Variants in CDH4 observed in about 807,000 individuals in gnomAD.
The protein encoded by CDH4 is cadherin 4.
Under a neutral mutation model 86.0 loss-of-function variants are expected in CDH4, and 33 were observed. The observed-to-expected ratio is 0.38, with a 90% CI of 0.29 to 0.51. The LOEUF (loss-of-function observed/expected upper bound fraction) is 0.51, where lower values mean the gene tolerates loss of function less well. Ranked by LOEUF, CDH4 falls within the 20% of genes least tolerant of loss-of-function variation. CDH4 has a pLI of 0.86. For synonymous variants in CDH4, 555 were observed against 549.4 expected (o/e 1.01, Z -0.14); for missense variants, 1,114 against 1,307.4 (o/e 0.85, Z 2.28).
intron 2 of CDH4, among the ~76,000 whole-genome samples, chr20:61,683,997 T>A (rs2087547330): frequency 6.6e-6 from 1 of 152,156 alleles, no homozygotes; most frequent in African/African-American, 2.4e-5. Flanking sequence ...TCCCAGGAGC[T>A]CCTCGTGTCT....
chr20:61,586,725 TG>T (rs1321387677), intron 2 of CDH4, among the ~76,000 whole-genome samples: 1 of 152,182 alleles, frequency 6.6e-6, no homozygotes, highest in Non-Finnish European at 1.5e-5. Context: ...CCAGGCCACC[TG>T]GGACTATAGA....
intron 4 of CDH4, among the ~76,000 whole-genome samples, chr20:61,830,200 T>C (rs1981531833): frequency 6.7e-6 from 1 of 148,340 alleles, no homozygotes; most frequent in Admixed American, 6.7e-5. Flanking sequence ...CTGTTCTCAC[T>C]AGACAGAGGC....
chr20:61,856,621 C>T (rs1282237187), intron 6 of CDH4, among the ~76,000 whole-genome samples: 1 of 119,138 alleles, frequency 8.4e-6, no homozygotes, highest in Non-Finnish European at 2.0e-5. Context: ...TGTGTGTACC[C>T]CCACATTCTT....
At chr20:61,642,604 A>G (rs1335683417) in intron 2 of CDH4, among the ~76,000 whole-genome samples, 1 of 152,116 alleles carries the variant, frequency 6.6e-6, no homozygotes, top group African/African-American at 2.4e-5. Flanking sequence ...AGAATCCCCC[A>G]ATGAAGGCAG....
chr20:61,585,915 C>T (rs191656197), intron 2 of CDH4, among the ~76,000 whole-genome samples: 120 of 134,720 alleles, frequency 8.9e-4, no homozygotes, highest in African/African-American at 3.3e-3. Flanking sequence ...TGTGGTGATG[C>T]GGAGGATGAT....
rs1308134866 is a variant in CDH4 at position 61,501,185 on chromosome 20, G to A, written c.170-242378G>A. Reference sequence around the variant, plus strand: ...CTGAGCTACAATAGACTCAGGCTGGGGGAGGTGGCGCTGCCATCCGCCATC... The same window carrying A: ...CTGAGCTACAATAGACTCAGGCTGGAGGAGGTGGCGCTGCCATCCGCCATC... On this transcript the variant is annotated intron_variant, in intron 2 of 15. Transcript: ENST00000614565. This position sits in a 1 kb window ranked among gnomAD's most constrained non-coding sequence, Gnocchi z 4.2. Among the ~76,000 whole-genome samples the A allele has an allele frequency of 6.6e-6, 1 of 152,184 alleles. No homozygotes were observed. The highest frequency in any genetic ancestry group is 1.5e-5 in the Non-Finnish European group (1 of 68,034).
chr20:61,779,184 G>T (rs1319768718), intron 4 of CDH4, among the ~76,000 whole-genome samples: 1 of 152,232 alleles, frequency 6.6e-6, no homozygotes, highest in Non-Finnish European at 1.5e-5. Context: ...TAATACCAAT[G>T]CACAATATGT....
intron 2 of CDH4, among the ~76,000 whole-genome samples, chr20:61,288,806 T>A (rs2084306376): frequency 6.6e-6 from 1 of 152,188 alleles, no homozygotes; most frequent in Admixed American, 6.5e-5. Context: ...ACAATAAAAA[T>A]ATAAGCAGGT....
intron 4 of CDH4, among the ~76,000 whole-genome samples, chr20:61,833,851 G>A (rs1981737354): frequency 6.6e-6 from 1 of 152,242 alleles, no homozygotes. Flanking sequence ...ATTTCCAGAT[G>A]AGGAGATAAA....
At chr20:61,898,715 C>T (rs1568874726) in intron 8 of CDH4, among the ~76,000 whole-genome samples, 1 of 152,200 alleles carries the variant, frequency 6.6e-6, no homozygotes, top group African/African-American at 2.4e-5. Context: ...CTCTCTGAGC[C>T]GCAGGATTTT....
chr20:61,680,971 G>A (rs187565957), intron 2 of CDH4, among the ~76,000 whole-genome samples: 53 of 152,356 alleles, frequency 3.5e-4, no homozygotes, highest in African/African-American at 1.1e-3. Context: ...TGAGGGCAGA[G>A]TTAGAATTCC....
At chr20:61,662,727 G>A (rs6061708) in intron 2 of CDH4, among the ~76,000 whole-genome samples, 39,969 of 152,118 alleles carry the variant, frequency 0.26, 6,532 homozygotes, top group African/African-American at 0.48. Context: ...AACACAGGGC[G>A]GCTCACCTGG....
intron 2 of CDH4, among the ~76,000 whole-genome samples, chr20:61,522,813 C>T (rs1474211111): frequency 1.3e-5 from 2 of 152,234 alleles, no homozygotes; most frequent in Admixed American, 6.5e-5. Flanking sequence ...TCTCTCCCTT[C>T]GGTTTTTTAT....
intron 2 of CDH4, among the ~76,000 whole-genome samples, chr20:61,554,851 T>C (rs570903899): frequency 1.3e-5 from 2 of 151,872 alleles, no homozygotes; most frequent in East Asian, 1.9e-4. Flanking sequence ...CATGTATGCG[T>C]GAGTTCGCAT....
chr20:61,858,573 G>A (rs1983177164), intron 6 of CDH4, among the ~76,000 whole-genome samples: 1 of 152,144 alleles, frequency 6.6e-6, no homozygotes, highest in South Asian at 2.1e-4. Flanking sequence ...GTGTCTGTCT[G>A]TGTGCCTCCC....
chr20:61,729,841 C>T (rs1267131039), intron 2 of CDH4, among the ~76,000 whole-genome samples: 3 of 152,156 alleles, frequency 2.0e-5, no homozygotes, highest in Non-Finnish European at 2.9e-5. Flanking sequence ...GAGGGAGACG[C>T]AAGTTTAATA....
intron 2 of CDH4, among the ~76,000 whole-genome samples, chr20:61,347,993 G>A (rs1251940676): frequency 2.0e-5 from 3 of 152,160 alleles, no homozygotes; most frequent in Non-Finnish European, 4.4e-5. Context: ...GTGTATTATC[G>A]GGGAAGACTT....
chr20:61,778,727 C>T (rs980988078), intron 4 of CDH4, among the ~76,000 whole-genome samples: 4 of 152,124 alleles, frequency 2.6e-5, no homozygotes, highest in African/African-American at 7.2e-5. Context: ...GGGAGGAAGC[C>T]GCTCACAGTT....
chr20:61,613,770 C>A (rs2086704015), intron 2 of CDH4, among the ~76,000 whole-genome samples: 2 of 151,674 alleles, frequency 1.3e-5, no homozygotes, highest in Non-Finnish European at 2.9e-5. Context: ...GCATGCAGTC[C>A]ACAGCTCTTT....
Sources: gnomAD v4.1 joint callset for allele counts (sites outside exome capture counted in the v4.1 genomes callset) on GRCh38, gnomAD v4.1.1 for gene constraint, Gnocchi (gnomAD v3.1) non-coding constraint, MANE v1.5 for transcripts, NCBI Gene and HGNC (gene_info 2026-07-23, HGNC 2026-07-21) for gene names.